The following GRK5 variants were observed in gnomAD, a reference collection of about 807,000 sequenced individuals.
The protein encoded by GRK5 is G protein-coupled receptor kinase 5.
A neutral mutation model predicts 78.4 loss-of-function variants in GRK5; 40 were observed. The ratio of observed to expected loss-of-function variants is 0.51; its 90% confidence interval spans 0.40 to 0.66. The LOEUF (loss-of-function observed/expected upper bound fraction) is 0.66. GRK5 is among the 30% of genes least tolerant of loss of function. The pLI is 0.00. For missense variants in GRK5, 598 were observed against 759.9 expected, an observed-to-expected ratio of 0.79 and a Z score of 2.50; for synonymous variants, 289 against 296.8, an observed-to-expected ratio of 0.97 and a Z score of 0.27.
At chr10:119,361,617 G>A (rs539834875) in intron 2 of GRK5, among the ~76,000 whole-genome samples, 29 of 152,252 alleles carry the variant, frequency 1.9e-4, no homozygotes, top group African/African-American at 7.0e-4. Context: ...AGGAATCCTG[G>A]CTAGGGGCCT....
At chr10:119,417,432 G>A (rs1176723481) in intron 4 of GRK5, among the ~76,000 whole-genome samples, 1 of 152,234 alleles carries the variant, frequency 6.6e-6, no homozygotes, top group East Asian at 1.9e-4. Context: ...AGCATTTGCT[G>A]TACCAAGGGG....
chr10:119,308,281 C>T (rs2133733197), intron 1 of GRK5, among the ~76,000 whole-genome samples: 1 of 152,260 alleles, frequency 6.6e-6, no homozygotes, highest in Admixed American at 6.5e-5. Context: ...AGGCACGCCT[C>T]ACCCTGCCCC....
chr10:119,408,341 CAAAAAAA>C lies in GRK5; in HGVS notation c.339+11585_339+11591del, dbSNP rs67973033. On this transcript the variant is annotated intron_variant, in intron 4 of 15. Transcript: ENST00000392870. ...TGGGTGACAGAGCAAAACCCTGTCT[CAAAAAAA>C]AAAAAAAAAAAAAAAGGCAGAAAAC... is the stretch of plus-strand genomic sequence containing the variant. Among the ~76,000 whole-genome samples the C allele has an allele frequency of 1.4e-4, 7 of 48,704 alleles. No individual in the cohort carries two copies. In the South Asian group the frequency reaches 3.1e-3, roughly 22 times the overall value. 32.0% of individuals were successfully genotyped at this position (48,704 alleles called of 152,430 possible).
At chr10:119,360,539 AGAGCCTGTGTGAGTGGAAG>A (rs1851344882) in intron 2 of GRK5, among the ~76,000 whole-genome samples, 3 of 145,452 alleles carry the variant, frequency 2.1e-5, no homozygotes, top group African/African-American at 5.2e-5. Flanking sequence ...GTGAGTGGGA[AGAGCCTGTGTGAGTGGAAG>A]GAGCCTGTGT....
chr10:119,247,452 A>G (rs1350198070), intron 1 of GRK5, among the ~76,000 whole-genome samples: 1 of 152,202 alleles, frequency 6.6e-6, no homozygotes, highest in Non-Finnish European at 1.5e-5. Flanking sequence ...GTAGTCAGGA[A>G]AGCTATGCCT....
chr10:119,423,731 T>A (rs1852616602), intron 5 of GRK5, among the ~76,000 whole-genome samples: 1 of 151,782 alleles, frequency 6.6e-6, no homozygotes, highest in Non-Finnish European at 1.5e-5. Flanking sequence ...CCCCACCCCA[T>A]CCTGCACACA....
intron 1 of GRK5, among the ~76,000 whole-genome samples, chr10:119,212,422 A>G (rs1014572935): frequency 6.6e-6 from 1 of 152,238 alleles, no homozygotes; most frequent in Admixed American, 6.5e-5. Context: ...TTATGTCTTC[A>G]GAAGCTATAA....
chr10:119,338,870 T>C (rs1850937364), intron 2 of GRK5, among the ~76,000 whole-genome samples: 1 of 152,256 alleles, frequency 6.6e-6, no homozygotes, highest in South Asian at 2.1e-4. Flanking sequence ...CTATCACATG[T>C]ATATATTCTA....
intron 2 of GRK5, chr10:119,335,132 C>G (rs1457762682): frequency 3.0e-5 from 2 of 66,358 alleles, no homozygotes; most frequent in Non-Finnish European, 6.0e-5. Context: ...TGCCTTGCCT[C>G]TCTCTCTCTC....
At chr10:119,327,075 G>A (rs548319933) in intron 2 of GRK5, among the ~76,000 whole-genome samples, 1 of 151,070 alleles carries the variant, frequency 6.6e-6, no homozygotes, top group Non-Finnish European at 1.5e-5. Context: ...CAGGCTTTGG[G>A]AGCTGAGAGT....
chr10:119,441,770 A>G (rs1853040782), intron 10 of GRK5, among the ~76,000 whole-genome samples: 1 of 151,960 alleles, frequency 6.6e-6, no homozygotes, highest in Non-Finnish European at 1.5e-5. Flanking sequence ...CAGGCATCCT[A>G]TTGCATCTTT....
At chr10:119,257,055 A>C (rs1849298101) in intron 1 of GRK5, among the ~76,000 whole-genome samples, 1 of 152,246 alleles carries the variant, frequency 6.6e-6, no homozygotes, top group African/African-American at 2.4e-5. Flanking sequence ...TGCAGCCTGC[A>C]TCAGTGATTC....
intron 1 of GRK5, among the ~76,000 whole-genome samples, chr10:119,214,899 A>G (rs766477135): frequency 3.3e-4 from 50 of 152,348 alleles, no homozygotes; most frequent in Non-Finnish European, 5.9e-4. Flanking sequence ...TGGTTGAGGA[A>G]TGACAAGATC....
chr10:119,320,910 G>A (rs935071197), intron 1 of GRK5, among the ~76,000 whole-genome samples: 6 of 152,256 alleles, frequency 3.9e-5, no homozygotes, highest in African/African-American at 1.4e-4. Flanking sequence ...CTAGGGCAGC[G>A]GGGGCCGTAG....
intron 13 of GRK5, among the ~76,000 whole-genome samples, chr10:119,449,635 C>CA (rs11436359): frequency 0.17 from 25,996 of 151,996 alleles, 2,670 homozygotes; most frequent in East Asian, 0.31. Flanking sequence ...TACTAAAATA[C>CA]AAAATTAACC....
chr10:119,299,222 C>T (rs1850133000), intron 1 of GRK5, among the ~76,000 whole-genome samples: 1 of 152,198 alleles, frequency 6.6e-6, no homozygotes, highest in Non-Finnish European at 1.5e-5. Context: ...GCGGGTGGAT[C>T]ACCTGAGGTC....
rs142808268 is a variant in GRK5 at position 119,281,308 on chromosome 10, C to T, written c.53-45208C>T. Among the ~76,000 whole-genome samples, 206 of 152,082 alleles carry T rather than the reference C, an allele frequency of 1.4e-3. 1 individual carries two copies. Among genetic ancestry groups the T allele is most frequent in the African/African-American group, 4.7e-3 (195 of 41,502 alleles). On this transcript the variant is annotated intron_variant, in intron 1 of 15. Transcript: ENST00000392870. Reference sequence around the variant, plus strand: ...CTCCTTGGGAAAAAATTGCTCCTCCCGGCTGCTCCCAAAGCAGTTCTTGTG... The same window carrying T: ...CTCCTTGGGAAAAAATTGCTCCTCCTGGCTGCTCCCAAAGCAGTTCTTGTG...
chr10:119,237,717 G>A (rs751096607), intron 1 of GRK5, among the ~76,000 whole-genome samples: 1 of 152,054 alleles, frequency 6.6e-6, no homozygotes, highest in Non-Finnish European at 1.5e-5. Flanking sequence ...GGGCAGGTCG[G>A]GTGGGGTGGG....
At chr10:119,397,347 G>A (rs1046677048) in intron 4 of GRK5, among the ~76,000 whole-genome samples, 1 of 152,218 alleles carries the variant, frequency 6.6e-6, no homozygotes, top group Non-Finnish European at 1.5e-5. Context: ...GGTTCTCCAA[G>A]ATCTGCTTCC....
Sources: gnomAD v4.1 joint callset for allele counts (sites outside exome capture counted in the v4.1 genomes callset) on GRCh38, gnomAD v4.1.1 for gene constraint, MANE v1.5 for transcripts, NCBI Gene and HGNC (gene_info 2026-07-23, HGNC 2026-07-21) for gene names.